The following ENKUR variants were observed in gnomAD, a reference collection of about 807,000 sequenced individuals.
ENKUR encodes enkurin.
ENKUR carries 19 observed loss-of-function variants against 27.6 expected under a neutral mutation model. That is an observed-to-expected ratio of 0.69 (90% CI 0.48 to 1.01). The LOEUF (loss-of-function observed/expected upper bound fraction) is 1.01, where lower values mean the gene tolerates loss of function less well. Ranked by LOEUF, ENKUR falls within the 50% of genes least tolerant of loss-of-function variation. The pLI is 0.00. For synonymous variants in ENKUR, 117 were observed against 96.9 expected (o/e 1.21, Z -1.22); for missense variants, 312 against 310.5 (o/e 1.00, Z -0.04).
intron 2 of ENKUR, among the ~76,000 whole-genome samples, chr10:25,041,213 C>T (rs1430038785): frequency 2.6e-5 from 4 of 152,068 alleles, no homozygotes; most frequent in South Asian, 2.1e-4. Flanking sequence ...TAATTTCTTC[C>T]ACTGTCTTCT....
chr10:25,050,359 T>G (rs952184113), intron 2 of ENKUR, among the ~76,000 whole-genome samples: 2 of 152,154 alleles, frequency 1.3e-5, no homozygotes, highest in Non-Finnish European at 2.9e-5. Flanking sequence ...GGAAAGAAAT[T>G]TAATTGACTC....
intron 2 of ENKUR, among the ~76,000 whole-genome samples, chr10:25,039,595 T>G (rs1182491702): frequency 6.6e-6 from 1 of 152,090 alleles, no homozygotes; most frequent in Non-Finnish European, 1.5e-5. Context: ...AAAGCAAAGG[T>G]CACTAAGTGG....
At chr10:24,996,095 A>T (rs1156367093) in intron 2 of ENKUR, among the ~76,000 whole-genome samples, 1 of 152,208 alleles carries the variant, frequency 6.6e-6, no homozygotes, top group Non-Finnish European at 1.5e-5. Context: ...ATAATTTTTT[A>T]AAAAGAAAAA....
At chr10:25,042,293 C>CA (rs35360125) in intron 2 of ENKUR, among the ~76,000 whole-genome samples, 91 of 138,108 alleles carry the variant, frequency 6.6e-4, no homozygotes, top group Admixed American at 1.9e-3. Flanking sequence ...GTCAGAGTCT[C>CA]AAAAAAAAAA....
At chr10:24,986,025 G>A (rs554502529) in intron 4 of ENKUR, among the ~76,000 whole-genome samples, 29 of 152,234 alleles carry the variant, frequency 1.9e-4, no homozygotes, top group African/African-American at 4.3e-4. Context: ...CGATGATTGC[G>A]CCACTGCACT....
intron 2 of ENKUR, chr10:25,023,375 C>A: frequency 1.2e-6 from 2 of 1,614,174 alleles, no homozygotes; most frequent in Middle Eastern, 1.6e-4. Context: ...TCAACCCACT[C>A]TCTTGTTGGA....
chr10:24,983,319 C>G lies in ENKUR; in HGVS notation c.*1051G>C, dbSNP rs1265572965. The G allele has an allele frequency of 6.6e-6, 1 of 152,228 alleles. No homozygotes were observed. Among genetic ancestry groups the G allele is most frequent in the African/African-American group, 2.4e-5 (1 of 41,450 alleles). The allele number at this position is 152,228 out of a possible 1,614,324, so 9.4% of individuals were successfully genotyped here. A position where few individuals can be genotyped will look rare whatever the true frequency, so the allele number is the denominator to read the frequency against. ...GGCCTGTACGTGCCTCTCCCTAACTCTGGATCAGATGCATCCTACCCACTC... is the reference window on the plus strand; with the variant it reads ...GGCCTGTACGTGCCTCTCCCTAACTGTGGATCAGATGCATCCTACCCACTC... On this transcript the variant is annotated 3_prime_UTR_variant, in exon 6 of 6. Coordinates refer to ENST00000331161, the MANE Select transcript of ENKUR (RefSeq NM_145010.4).
At chr10:24,985,379 T>C (rs1179097165) in intron 4 of ENKUR, among the ~76,000 whole-genome samples, 1 of 152,246 alleles carries the variant, frequency 6.6e-6, no homozygotes, top group Non-Finnish European at 1.5e-5. Flanking sequence ...TATTTTCTTA[T>C]ATCTAACAAA....
rs1588643417 is a variant in ENKUR at position 24,984,462 on chromosome 10, T to C, written c.765-86A>G. The C allele has an allele frequency of 6.5e-6, 9 of 1,388,170 alleles. No individual in the cohort carries two copies. In the East Asian group the frequency reaches 2.1e-4, roughly 33 times the overall value. 86.0% of individuals were successfully genotyped at this position (1,388,170 alleles called of 1,614,324 possible). On this transcript the variant is annotated intron_variant, in intron 5 of 5. Coordinates refer to ENST00000331161, the MANE Select transcript of ENKUR (RefSeq NM_145010.4). ...GAAATTAATGTTTATGTGAAACAAGTACATAATAATAATGAATTACATTGT... is the reference window on the plus strand; with the variant it reads ...GAAATTAATGTTTATGTGAAACAAGCACATAATAATAATGAATTACATTGT...
chr10:24,984,640 T>C (rs1849740789), intron 5 of ENKUR, 96 bp downstream of exon 5: 2 of 1,166,708 alleles, frequency 1.7e-6, no homozygotes, highest in Non-Finnish European at 2.4e-6. Context: ...ATTCTCTTCA[T>C]AGTATTTTCC....
intron 2 of ENKUR, chr10:25,025,482 T>C (rs1282465410): frequency 6.4e-7 from 1 of 1,569,616 alleles, no homozygotes; most frequent in African/African-American, 1.4e-5. Context: ...TTTTTTTTTC[T>C]AGCTATAAGC....
chr10:25,048,230 G>A (rs1012961809), intron 2 of ENKUR, among the ~76,000 whole-genome samples: 5 of 152,200 alleles, frequency 3.3e-5, no homozygotes, highest in African/African-American at 9.6e-5. Context: ...GGGAGGAGCC[G>A]AGAGAATACA....
At chr10:25,033,869 A>T (rs1031286137) in intron 2 of ENKUR, among the ~76,000 whole-genome samples, 2 of 151,084 alleles carry the variant, frequency 1.3e-5, no homozygotes, top group South Asian at 4.2e-4. Flanking sequence ...CTATCTATCA[A>T]TCATCTATTG....
intron 2 of ENKUR, chr10:25,026,447 T>C (rs1850853533): frequency 6.0e-6 from 1 of 167,116 alleles, no homozygotes; most frequent in African/African-American, 2.4e-5. Flanking sequence ...AGGAGTGTAT[T>C]TGTAGACAGC....
chr10:25,041,407 C>T (rs2130471668), intron 2 of ENKUR, among the ~76,000 whole-genome samples: 1 of 152,180 alleles, frequency 6.6e-6, no homozygotes, highest in East Asian at 1.9e-4. Context: ...TGCTAAGCTT[C>T]TTGAATCTAC....
chr10:25,054,957 G>C (rs995333204), intron 2 of ENKUR, among the ~76,000 whole-genome samples: 4 of 152,184 alleles, frequency 2.6e-5, no homozygotes, highest in African/African-American at 9.7e-5. Flanking sequence ...TTACAGGCGT[G>C]AGCCACTGCA....
At chr10:24,998,594 G>T (rs1308543993) in intron 2 of ENKUR, among the ~76,000 whole-genome samples, 1 of 151,564 alleles carries the variant, frequency 6.6e-6, no homozygotes, top group African/African-American at 2.4e-5. Flanking sequence ...TGTTGCCCAG[G>T]TGCTCTCTTT....
At chr10:25,031,960 C>A (rs1040228367) in intron 2 of ENKUR, among the ~76,000 whole-genome samples, 2 of 152,082 alleles carry the variant, frequency 1.3e-5, no homozygotes, top group African/African-American at 2.4e-5. Flanking sequence ...AGGCTTAAGC[C>A]ACTGTGGCCA....
At chr10:25,036,335 C>A (rs1361803440) in intron 2 of ENKUR, among the ~76,000 whole-genome samples, 1 of 152,172 alleles carries the variant, frequency 6.6e-6, no homozygotes, top group East Asian at 1.9e-4. Flanking sequence ...GTAAGACATG[C>A]CTTTCACCTT....
Sources: allele counts gnomAD v4.1 joint callset (sites outside exome capture counted in the v4.1 genomes callset), GRCh38; gene constraint gnomAD v4.1.1; transcripts MANE v1.5; gene names NCBI Gene and HGNC (gene_info 2026-07-23, HGNC 2026-07-21).